Variants in SORCS3 observed in about 807,000 individuals in gnomAD.
SORCS3 encodes the protein VPS10 domain-containing receptor SorCS3.
Under a neutral mutation model 146.3 loss-of-function variants are expected in SORCS3, and 57 were observed. The ratio of observed to expected loss-of-function variants is 0.39; its 90% CI spans 0.31 to 0.49. The LOEUF (loss-of-function observed/expected upper bound fraction) is 0.49. SORCS3 is among the 20% of genes least tolerant of loss of function. The probability of loss-of-function intolerance (pLI) is 0.92; values close to 1 mark genes in which losing one functional copy is unlikely to be tolerated. For synonymous variants in SORCS3, 653 were observed against 618.5 expected (o/e 1.06, Z -0.83); for missense variants, 1,341 against 1,575.5 (o/e 0.85, Z 2.52).
At chr10:105,164,711 G>C (rs2056297852) in intron 12 of SORCS3, among the ~76,000 whole-genome samples, 1 of 152,172 alleles carries the variant, frequency 6.6e-6, no homozygotes, top group African/African-American at 2.4e-5. Flanking sequence ...AGTGTGCCAA[G>C]AGTTCTTGGC....
At chr10:105,234,851 G>T (rs967012079) in intron 20 of SORCS3, among the ~76,000 whole-genome samples, 1 of 151,818 alleles carries the variant, frequency 6.6e-6, no homozygotes, top group African/African-American at 2.4e-5. Flanking sequence ...CAACATCCCT[G>T]TTGTATCAGA....
intron 14 of SORCS3, among the ~76,000 whole-genome samples, chr10:105,189,738 G>A (rs1169464972): frequency 6.6e-6 from 1 of 152,144 alleles, no homozygotes; most frequent in Non-Finnish European, 1.5e-5. Context: ...CCTTGAGCAG[G>A]CCTTAGTTTC....
rs559624229 is a variant in SORCS3 at position 104,969,661 on chromosome 10, A to G, written c.796-7674A>G. Among the ~76,000 whole-genome samples the G allele has an allele frequency of 2.6e-5, 4 of 152,272 alleles. No homozygotes were observed. In the East Asian group the frequency reaches 7.7e-4, roughly 29 times the overall value. On this transcript the variant is annotated intron_variant, in intron 3 of 26. Transcript: ENST00000369701. Reference sequence around the variant, plus strand: ...ATGTCAGAGAAAGGTAGTAATAAAAATGTACTCTCACCAACAAAAGCTCCA... The same window carrying G: ...ATGTCAGAGAAAGGTAGTAATAAAAGTGTACTCTCACCAACAAAAGCTCCA...
intron 1 of SORCS3, among the ~76,000 whole-genome samples, chr10:104,686,368 G>A (rs970718412): frequency 2.0e-5 from 3 of 152,228 alleles, no homozygotes; most frequent in Middle Eastern, 3.4e-3. Flanking sequence ...AGGGAATGGT[G>A]GAAGGGAGTC....
chr10:104,832,062 C>A (rs77065459), intron 1 of SORCS3, among the ~76,000 whole-genome samples: 6,839 of 152,166 alleles, frequency 0.045, 466 homozygotes, highest in African/African-American at 0.15. Context: ...TTCTTTTGCC[C>A]TTAGCAAATA....
intron 3 of SORCS3, among the ~76,000 whole-genome samples, chr10:104,965,273 T>C (rs970391187): frequency 3.3e-5 from 5 of 152,300 alleles, no homozygotes; most frequent in Admixed American, 3.3e-4. Flanking sequence ...AATTTATACT[T>C]GCATCAACAC....
chr10:104,858,174 C>T (rs2018355781), intron 2 of SORCS3, among the ~76,000 whole-genome samples: 1 of 152,108 alleles, frequency 6.6e-6, no homozygotes. Context: ...TTTTCCAAAG[C>T]TTGAAAAACA....
chr10:105,238,858 T>C (rs1056463808), intron 20 of SORCS3, among the ~76,000 whole-genome samples: 8 of 152,312 alleles, frequency 5.3e-5, no homozygotes, highest in East Asian at 3.9e-4. Flanking sequence ...GGAGTTTTGG[T>C]TTACTACCTT....
At chr10:105,058,531 T>A (rs976970798) in intron 5 of SORCS3, among the ~76,000 whole-genome samples, 2 of 152,244 alleles carry the variant, frequency 1.3e-5, no homozygotes, top group African/African-American at 2.4e-5. Context: ...TCCATTTTTT[T>A]AAATGAGATT....
chr10:104,989,578 G>C (rs559520594), intron 4 of SORCS3, among the ~76,000 whole-genome samples: 2 of 152,264 alleles, frequency 1.3e-5, no homozygotes, highest in Admixed American at 1.3e-4. Flanking sequence ...GCTATCCTGT[G>C]TATTTTCATC....
chr10:104,742,871 G>T lies in SORCS3; in HGVS notation c.628-99921G>T, dbSNP rs564732497. On this transcript the variant is annotated intron_variant, in intron 1 of 26. Coordinates refer to ENST00000369701, the MANE Select transcript of SORCS3 (RefSeq NM_014978.3). ...ATGATTGACTTAGGGCTGAGACTCC[G>T]TAAGACTGGCCACAAAGAGACCAGG... 2.6e-5 allele frequency among the ~76,000 whole-genome samples: 4 copies of T among 152,126 alleles called. No homozygotes were observed. In the East Asian group the frequency reaches 7.7e-4, roughly 29 times the overall value.
At chr10:104,928,489 T>TAACAAATAC (rs2019172940) in intron 3 of SORCS3, among the ~76,000 whole-genome samples, 1 of 151,978 alleles carries the variant, frequency 6.6e-6, no homozygotes, top group African/African-American at 2.4e-5. Flanking sequence ...GAGATATCTG[T>TAACAAATAC]AACAAATACA....
At chr10:105,261,740 A>G (rs900375235) in intron 25 of SORCS3, among the ~76,000 whole-genome samples, 1 of 152,170 alleles carries the variant, frequency 6.6e-6, no homozygotes, top group Non-Finnish European at 1.5e-5. Context: ...GAATAGAGCT[A>G]TTTAGCTTCT....
chr10:104,865,414 T>C (rs981521720), intron 2 of SORCS3, among the ~76,000 whole-genome samples: 1 of 152,212 alleles, frequency 6.6e-6, no homozygotes, highest in Non-Finnish European at 1.5e-5. Context: ...TGACATTTCA[T>C]GCTATAAGTC....
At chr10:105,242,865 ATTTTT>A (rs2056843050) in intron 20 of SORCS3, among the ~76,000 whole-genome samples, 1 of 76,230 alleles carries the variant, frequency 1.3e-5, no homozygotes, top group East Asian at 3.4e-4. Context: ...TTATATATAT[ATTTTT>A]ATATATAAAT....
chr10:105,029,059 C>A (rs767008818), intron 4 of SORCS3, among the ~76,000 whole-genome samples: 74 of 152,304 alleles, frequency 4.9e-4, no homozygotes, highest in Non-Finnish European at 5.1e-4. Flanking sequence ...TCATAGTTGG[C>A]CAACCTCTGC....
intron 6 of SORCS3, among the ~76,000 whole-genome samples, chr10:105,102,734 A>G (rs1438658299): frequency 1.3e-5 from 2 of 150,290 alleles, no homozygotes; most frequent in African/African-American, 4.9e-5. Flanking sequence ...GTTGGCCTCA[A>G]GGTGTTTGGC....
At chr10:104,896,402 A>G (rs1386090079) in intron 2 of SORCS3, among the ~76,000 whole-genome samples, 1 of 152,242 alleles carries the variant, frequency 6.6e-6, no homozygotes, top group Non-Finnish European at 1.5e-5. Flanking sequence ...CATGCTAGCC[A>G]CCAAGGACAA....
chr10:104,749,920 C>T (rs1242242694), intron 1 of SORCS3, among the ~76,000 whole-genome samples: 4 of 152,022 alleles, frequency 2.6e-5, no homozygotes, highest in African/African-American at 9.7e-5. Flanking sequence ...AGATTCCTTG[C>T]AAAAACAATG....
Sources: allele counts gnomAD v4.1 joint callset (sites outside exome capture counted in the v4.1 genomes callset), GRCh38; gene constraint gnomAD v4.1.1; transcripts MANE v1.5; gene names NCBI Gene and HGNC (gene_info 2026-07-23, HGNC 2026-07-21).